The following CCDC171 variants were observed in gnomAD, a reference collection of about 807,000 sequenced individuals.
The protein encoded by CCDC171 is coiled-coil domain containing 171, also known as coiled-coil domain-containing protein 171.
In CCDC171, 177 loss-of-function variants were observed where a neutral mutation model predicts 168.2. The observed-to-expected ratio is 1.05, with a 90% confidence interval of 0.93 to 1.19. The LOEUF is 1.19. Among genes scored for constraint, CCDC171 ranks in the 50% most tolerant of loss-of-function variants. CCDC171 has a pLI of 0.00. For missense variants in CCDC171, 1,991 were observed against 1,539.0 expected, an observed-to-expected ratio of 1.29 and a Z score of -4.91; for synonymous variants, 687 against 540.8, an observed-to-expected ratio of 1.27 and a Z score of -3.75.
chr9:15,771,449 C>A (rs1235200567), intron 18 of CCDC171, among the ~76,000 whole-genome samples: 2 of 152,056 alleles, frequency 1.3e-5, no homozygotes, highest in Non-Finnish European at 2.9e-5. Context: ...GGTTGCACAT[C>A]TTTTCATTTG....
At chr9:16,043,556 T>G (rs1163806280) in intron 1 of CCDC171, among the ~76,000 whole-genome samples, 1 of 152,200 alleles carries the variant, frequency 6.6e-6, no homozygotes, top group African/African-American at 2.4e-5. Flanking sequence ...TTTCCATGGT[T>G]CTTTTACACC....
intron 11 of CCDC171, among the ~76,000 whole-genome samples, chr9:15,718,694 C>A (rs2053254116): frequency 6.6e-6 from 1 of 152,224 alleles, no homozygotes. Flanking sequence ...GAGAATTCCT[C>A]TGAATTTTAT....
intron 20 of CCDC171, among the ~76,000 whole-genome samples, chr9:15,780,356 A>G (rs2057601407): frequency 6.6e-6 from 1 of 152,164 alleles, no homozygotes; most frequent in Admixed American, 6.5e-5. Context: ...GTTATACATG[A>G]CAACCTTAAG....
intron 24 of CCDC171, among the ~76,000 whole-genome samples, chr9:15,894,067 A>T (rs1363369820): frequency 1.3e-5 from 2 of 152,246 alleles, no homozygotes; most frequent in Non-Finnish European, 2.9e-5. Context: ...AAAATGTGGT[A>T]CATACACACC....
At chr9:15,969,880 C>G (rs1250364355) in intron 25 of CCDC171, among the ~76,000 whole-genome samples, 2 of 152,148 alleles carry the variant, frequency 1.3e-5, no homozygotes, top group African/African-American at 2.4e-5. Flanking sequence ...CCTCTAGCCT[C>G]TGATGTAATG....
chr9:15,834,246 T>A (rs1468916561), intron 21 of CCDC171, among the ~76,000 whole-genome samples: 1 of 152,166 alleles, frequency 6.6e-6, no homozygotes, highest in Non-Finnish European at 1.5e-5. Flanking sequence ...AATATTACAT[T>A]TGTAGTGGAA....
At chr9:15,890,422 A>C (rs1473381694) in intron 24 of CCDC171, among the ~76,000 whole-genome samples, 1 of 152,192 alleles carries the variant, frequency 6.6e-6, no homozygotes, top group East Asian at 1.9e-4. Flanking sequence ...AAATACAAAT[A>C]GGAAATATCT....
rs754812247 is a variant in CCDC171, at chr9:15,971,986, T to C, written c.*150T>C. The C allele has an allele frequency of 6.0e-5, 36 of 597,890 alleles. No homozygotes were observed. The highest frequency in any genetic ancestry group is 1.0e-4 in the Non-Finnish European group (35 of 349,936). 37.0% of individuals were successfully genotyped at this position (597,890 alleles called of 1,614,324 possible). On this transcript the variant is annotated 3_prime_UTR_variant, in exon 26 of 26. Coordinates refer to ENST00000380701, the MANE Select transcript of CCDC171 (RefSeq NM_173550.4). The stretch of plus-strand genomic sequence containing the variant: ...CTATCTTGATGTATTCTGGTAGCTC[T>C]GTCTCCTTGAATAAGGAAATAGCCA...
chr9:16,097,213 G>A, the CCDC171 span, among the ~76,000 whole-genome samples: 64 of 151,668 alleles, frequency 4.2e-4, no homozygotes, highest in African/African-American at 1.6e-3. Flanking sequence ...AAGCCAGTCC[G>A]AACAGATGAG....
chr9:16,102,675 A>C, the CCDC171 span, among the ~76,000 whole-genome samples: 12 of 152,176 alleles, frequency 7.9e-5, no homozygotes, highest in African/African-American at 2.7e-4. Context: ...TGTGTTTTGC[A>C]ATTCTCCAAA....
chr9:15,668,186 C>A (rs2048865124), intron 9 of CCDC171, among the ~76,000 whole-genome samples: 1 of 152,088 alleles, frequency 6.6e-6, no homozygotes, highest in African/African-American at 2.4e-5. Flanking sequence ...CTAGTGAGTT[C>A]CCTGCCTTGG....
At position 15,929,835 on chromosome 9, in the gene CCDC171, A is replaced by G. The variant is rs372288809; in HGVS notation, c.3753+9413A>G. 4.7e-5 allele frequency among the ~76,000 whole-genome samples: 7 copies of G among 150,384 alleles called. No homozygotes were observed. In the East Asian group the frequency reaches 9.7e-4, roughly 21 times the overall value. On this transcript the variant is annotated intron_variant, in intron 25 of 25. Transcript: ENST00000380701. ...AGATTTCTCATATTCTAGAAACTCAAGAGTTGTTTTTTCTCTACAGTTTCC... is the reference window on the plus strand; with the variant it reads ...AGATTTCTCATATTCTAGAAACTCAGGAGTTGTTTTTTCTCTACAGTTTCC...
At chr9:15,609,214 C>G (rs1312856638) in intron 6 of CCDC171, among the ~76,000 whole-genome samples, 1 of 151,864 alleles carries the variant, frequency 6.6e-6, no homozygotes, top group South Asian at 2.1e-4. Flanking sequence ...ATTCTCCTGC[C>G]TCAGCCTCCC....
intron 25 of CCDC171, among the ~76,000 whole-genome samples, chr9:15,929,875 G>C (rs1452183003): frequency 6.6e-6 from 1 of 151,618 alleles, no homozygotes; most frequent in Non-Finnish European, 1.5e-5. Flanking sequence ...AATAAAGTAT[G>C]AGTTTTTTAC....
rs558306365 is a variant in CCDC171, at chr9:15,878,036, A to G, written c.3600+3373A>G. ...TTAAACTATAAAAACCCTGGAAGCC[A>G]ACCTAGGTAATACCATTCTGGACAT... On this transcript the variant is annotated intron_variant, in intron 24 of 25. Transcript: ENST00000380701. Among the ~76,000 whole-genome samples, 6 of 152,304 alleles carry G rather than the reference A, an allele frequency of 3.9e-5. No homozygotes were observed. The South Asian group carries it at 1.2e-3, about 32-fold the overall frequency.
intron 21 of CCDC171, among the ~76,000 whole-genome samples, chr9:15,815,546 A>C (rs2059535934): frequency 8.7e-6 from 1 of 114,348 alleles, no homozygotes; most frequent in Non-Finnish European, 1.9e-5. Flanking sequence ...ATGTGTCCCA[A>C]CGTTTATATT....
Position 15,821,523 on chromosome 9 carries a change from A to G in CCDC171, c.3268-25179A>G, listed in dbSNP as rs1183851525. Among the ~76,000 whole-genome samples, 43 of 117,800 alleles carry G rather than the reference A, an allele frequency of 3.7e-4. 8 individuals are homozygous for G. The highest frequency in any genetic ancestry group is 1.3e-3 in the African/African-American group (40 of 31,364). 77.3% of individuals were successfully genotyped at this position (117,800 alleles called of 152,430 possible). A position where few individuals can be genotyped will look rare whatever the true frequency, so the allele number is the denominator to read the frequency against. On this transcript the variant is annotated intron_variant, in intron 21 of 25. Coordinates refer to ENST00000380701, the MANE Select transcript of CCDC171 (RefSeq NM_173550.4). ...ACAAAATCAATGTGCAAAAGTCACA[A>G]GCATTCTTATACACCAATAACAGAC...
At chr9:15,934,407 AAAAG>A (rs1826877180) in intron 25 of CCDC171, among the ~76,000 whole-genome samples, 1 of 145,638 alleles carries the variant, frequency 6.9e-6, no homozygotes, top group Non-Finnish European at 1.5e-5. Flanking sequence ...AAAAAAAAAG[AAAAG>A]AAAAGAAAGA....
intron 24 of CCDC171, among the ~76,000 whole-genome samples, chr9:15,892,129 G>A (rs1161623541): frequency 1.3e-5 from 2 of 152,074 alleles, no homozygotes; most frequent in African/African-American, 4.8e-5. Context: ...ATCAGATATA[G>A]GATCATGTCT....
Sources: allele counts gnomAD v4.1 joint callset (sites outside exome capture counted in the v4.1 genomes callset), GRCh38; gene constraint gnomAD v4.1.1; transcripts MANE v1.5; gene names NCBI Gene and HGNC (gene_info 2026-07-23, HGNC 2026-07-21).